Variants in SGCD observed in about 807,000 individuals in gnomAD.
SGCD encodes the protein delta-sarcoglycan.
SGCD carries 18 observed loss-of-function variants against 36.6 expected under a neutral mutation model. The ratio of observed to expected loss-of-function variants is 0.49; its 90% confidence interval spans 0.34 to 0.73. SGCD has a LOEUF of 0.73. Ranked by LOEUF, SGCD falls within the 30% of genes least tolerant of loss-of-function variation. The pLI is 0.01. For synonymous variants in SGCD, 133 were observed against 130.6 expected (o/e 1.02, Z -0.12); for missense variants, 387 against 346.7 (o/e 1.12, Z -0.92).
chr5:156,696,114 G>T (rs1206294944), intron 7 of SGCD, among the ~76,000 whole-genome samples: 1 of 152,162 alleles, frequency 6.6e-6, no homozygotes, highest in African/African-American at 2.4e-5. Flanking sequence ...GTTCATGTGG[G>T]GTCAGGAGAT....
chr5:156,193,074 T>A (rs1312720387), intron 3 of SGCD, among the ~76,000 whole-genome samples: 1 of 152,078 alleles, frequency 6.6e-6, no homozygotes, highest in African/African-American at 2.4e-5. Context: ...ATTGTGAAGA[T>A]CATTTTTAGC....
intron 4 of SGCD, among the ~76,000 whole-genome samples, chr5:156,522,016 TA>T (rs1392765423): frequency 6.6e-6 from 1 of 152,048 alleles, no homozygotes; most frequent in Non-Finnish European, 1.5e-5. Flanking sequence ...TATGCAGCCA[TA>T]AAAAAGGATG....
the SGCD span, among the ~76,000 whole-genome samples, chr5:155,861,879 A>G: frequency 2.6e-5 from 4 of 152,236 alleles, no homozygotes; most frequent in Admixed American, 6.5e-5. Context: ...CATATACGGA[A>G]CATTCACTTT....
intron 3 of SGCD, among the ~76,000 whole-genome samples, chr5:156,432,067 G>A (rs974292906): frequency 2.6e-5 from 4 of 152,152 alleles, no homozygotes; most frequent in Non-Finnish European, 4.4e-5. Context: ...GTGGGACTAC[G>A]AGGCTCTGGG....
At chr5:155,976,567 T>A (rs1298507338) in intron 1 of SGCD, among the ~76,000 whole-genome samples, 2 of 152,172 alleles carry the variant, frequency 1.3e-5, no homozygotes, top group Admixed American at 1.3e-4. Context: ...TTTCAAATAA[T>A]CTCACTAAGT....
At chr5:155,976,366 C>CA (rs757156511) in intron 1 of SGCD, among the ~76,000 whole-genome samples, 1 of 152,018 alleles carries the variant, frequency 6.6e-6, no homozygotes, top group Non-Finnish European at 1.5e-5. Flanking sequence ...AGACACAAAA[C>CA]AAAAAACTAG....
chr5:156,108,038 A>G (rs1284285437), intron 1 of SGCD, among the ~76,000 whole-genome samples: 1 of 152,120 alleles, frequency 6.6e-6, no homozygotes, highest in Admixed American at 6.6e-5. Flanking sequence ...AACATTTTAT[A>G]AAAGGAATGA....
At chr5:156,040,288 T>C (rs1221613213) in intron 1 of SGCD, among the ~76,000 whole-genome samples, 1 of 152,222 alleles carries the variant, frequency 6.6e-6, no homozygotes, top group African/African-American at 2.4e-5. Flanking sequence ...CTGATGAAGC[T>C]TAAGCCTTGG....
chr5:156,490,029 G>T (rs570957021), intron 3 of SGCD, among the ~76,000 whole-genome samples: 1 of 151,868 alleles, frequency 6.6e-6, no homozygotes, highest in South Asian at 2.1e-4. Flanking sequence ...AAACAAAGGA[G>T]ACATTACAAC....
At chr5:156,379,030 C>A (rs1318227414) in intron 3 of SGCD, among the ~76,000 whole-genome samples, 1 of 152,132 alleles carries the variant, frequency 6.6e-6, no homozygotes, top group African/African-American at 2.4e-5. Flanking sequence ...CTTATGTACT[C>A]ACAAACCTAT....
intron 3 of SGCD, among the ~76,000 whole-genome samples, chr5:156,256,997 A>G (rs1009011692): frequency 4.0e-5 from 6 of 151,886 alleles, no homozygotes; most frequent in African/African-American, 1.5e-4. Context: ...TGGGCAACAT[A>G]ACGAGACCCC....
intron 7 of SGCD, among the ~76,000 whole-genome samples, chr5:156,754,911 C>T (rs1036005422): frequency 1.3e-5 from 2 of 152,146 alleles, no homozygotes; most frequent in African/African-American, 4.8e-5. Flanking sequence ...AATTGTAGAA[C>T]ATATTCTACA....
chr5:156,526,520 A>G (rs1757648743), intron 4 of SGCD, among the ~76,000 whole-genome samples: 1 of 152,186 alleles, frequency 6.6e-6, no homozygotes, highest in African/African-American at 2.4e-5. Flanking sequence ...TAACTGGACC[A>G]TGAAGTATTG....
chr5:155,835,002 ATT>A, the SGCD span, among the ~76,000 whole-genome samples: 1,466 of 60,116 alleles, frequency 0.024, 27 homozygotes, highest in African/African-American at 0.081. Flanking sequence ...TGCCCAGCTA[ATT>A]TTTTTTTTTT....
At chr5:156,000,341 C>A (rs1758638751) in intron 1 of SGCD, among the ~76,000 whole-genome samples, 1 of 152,086 alleles carries the variant, frequency 6.6e-6, no homozygotes, top group African/African-American at 2.4e-5. Flanking sequence ...GTTCTGATGA[C>A]CCAAACACAA....
intron 3 of SGCD, among the ~76,000 whole-genome samples, chr5:156,458,214 C>G (rs1036974208): frequency 6.6e-6 from 1 of 152,186 alleles, no homozygotes; most frequent in African/African-American, 2.4e-5. Flanking sequence ...CCTCTCCGTC[C>G]CCATAAGGAC....
In SGCD at chr5:156,767,498, A is replaced by AAC. The variant is rs1757615162; in HGVS notation, c.*8109_*8110insCA. On this transcript the variant is annotated 3_prime_UTR_variant, in exon 9 of 9. Coordinates refer to ENST00000337851, the MANE Select transcript of SGCD (RefSeq NM_000337.6). ...TTGGAGATTTTGAAAAAAAAAAAAA[A>AAC]AAAAAACCCATTCCCATAAAGTAAT... 6.6e-6 allele frequency: 1 copy of AAC among 151,744 alleles called. No homozygotes were observed. Among genetic ancestry groups the AAC allele is most frequent in the Admixed American group, 6.6e-5 (1 of 15,250 alleles). The allele number at this position is 151,744 out of a possible 1,614,324, so 9.4% of individuals were successfully genotyped here.
chr5:156,116,583 T>G (rs1319770339), intron 1 of SGCD, among the ~76,000 whole-genome samples: 1 of 152,164 alleles, frequency 6.6e-6, no homozygotes, highest in East Asian at 1.9e-4. Context: ...GTTTACAGTT[T>G]TTATCACAGG....
Position 156,579,399 on chromosome 5 carries a change from G to T in SGCD, c.295-9832G>T, listed in dbSNP as rs549891665. Among the ~76,000 whole-genome samples, 6 of 152,266 alleles carry T rather than the reference G, an allele frequency of 3.9e-5. No homozygotes were observed. The East Asian group carries it at 1.2e-3, about 29-fold the overall frequency. Reference sequence around the variant, plus strand: ...AGAATGTATATTCTGTTGATTTGGGGTGGAGAGTTCTGCAGGTCTCTTTCA... The same window carrying T: ...AGAATGTATATTCTGTTGATTTGGGTTGGAGAGTTCTGCAGGTCTCTTTCA... On this transcript the variant is annotated intron_variant, in intron 4 of 8. Transcript: ENST00000337851.
Sources: gnomAD v4.1 joint callset for allele counts (sites outside exome capture counted in the v4.1 genomes callset) on GRCh38, gnomAD v4.1.1 for gene constraint, MANE v1.5 for transcripts, NCBI Gene and HGNC (gene_info 2026-07-23, HGNC 2026-07-21) for gene names.